TMEM163: variants seen among roughly 807,000 people sequenced by gnomAD.
TMEM163 encodes transmembrane protein 163.
A neutral mutation model predicts 29.3 loss-of-function variants in TMEM163; 17 were observed. The ratio of observed to expected loss-of-function variants is 0.58; its 90% CI spans 0.40 to 0.87. The LOEUF (loss-of-function observed/expected upper bound fraction) is 0.87, where lower values mean the gene tolerates loss of function less well. Among genes scored for constraint, TMEM163 ranks in the 40% least tolerant of loss-of-function variants. The probability of loss-of-function intolerance (pLI) is 0.00; values close to 1 mark genes in which losing one functional copy is unlikely to be tolerated. For synonymous variants in TMEM163, 157 were observed against 160.6 expected, an observed-to-expected ratio of 0.98 and a Z score of 0.17; for missense variants, 303 against 381.5, an observed-to-expected ratio of 0.79 and a Z score of 1.71.
At chr2:134,704,218 C>T (rs1238214456) in intron 2 of TMEM163, among the ~76,000 whole-genome samples, 5 of 152,062 alleles carry the variant, frequency 3.3e-5, no homozygotes, top group African/African-American at 1.2e-4. Context: ...GCTTGAGGGC[C>T]CCCAAGCTAA....
chr2:134,588,705 C>T (rs1486663991), intron 2 of TMEM163, among the ~76,000 whole-genome samples: 1 of 152,194 alleles, frequency 6.6e-6, no homozygotes, highest in African/African-American at 2.4e-5. Context: ...CTGACCCCTA[C>T]AAACTCATTC....
chr2:134,545,001 C>T (rs772319004), intron 4 of TMEM163, among the ~76,000 whole-genome samples: 20 of 152,076 alleles, frequency 1.3e-4, no homozygotes, highest in Admixed American at 5.2e-4. Flanking sequence ...GGAGGGGAGG[C>T]GACCCTGCTG....
intron 2 of TMEM163, among the ~76,000 whole-genome samples, chr2:134,635,580 A>G (rs1169530651): frequency 6.6e-6 from 1 of 152,174 alleles, no homozygotes; most frequent in Non-Finnish European, 1.5e-5. Context: ...AGAATAGAGG[A>G]GACACAAAGA....
intron 4 of TMEM163, among the ~76,000 whole-genome samples, chr2:134,545,157 TA>T (rs1680751920): frequency 6.6e-6 from 1 of 152,164 alleles, no homozygotes; most frequent in African/African-American, 2.4e-5. Flanking sequence ...CGACGTTAAG[TA>T]AACAGATAGT....
intron 2 of TMEM163, among the ~76,000 whole-genome samples, chr2:134,580,126 G>A (rs1275533364): frequency 2.0e-5 from 3 of 152,144 alleles, no homozygotes; most frequent in African/African-American, 4.8e-5. Context: ...GTCCAATTAC[G>A]TGGTAATAAA....
intron 2 of TMEM163, among the ~76,000 whole-genome samples, chr2:134,667,651 C>A (rs1385573993): frequency 1.3e-5 from 2 of 152,170 alleles, no homozygotes; most frequent in African/African-American, 2.4e-5. Context: ...ATTAATAATT[C>A]ATATATGTAA....
At chr2:134,701,703 A>G (rs2104892227) in intron 2 of TMEM163, among the ~76,000 whole-genome samples, 1 of 152,240 alleles carries the variant, frequency 6.6e-6, no homozygotes, top group Admixed American at 6.5e-5. Flanking sequence ...TGAGGTCAGG[A>G]GTTCAGGAGT....
intron 2 of TMEM163, among the ~76,000 whole-genome samples, chr2:134,680,332 G>C (rs1684202439): frequency 6.6e-6 from 1 of 150,744 alleles, no homozygotes; most frequent in South Asian, 2.1e-4. Flanking sequence ...TAAAATCAAA[G>C]AAAGGATTTA....
intron 1 of TMEM163, among the ~76,000 whole-genome samples, chr2:134,713,998 CCTA>C (rs1341399374): frequency 1.3e-5 from 2 of 152,164 alleles, no homozygotes; most frequent in Non-Finnish European, 2.9e-5. Context: ...GTGGGGCAAA[CCTA>C]CTAAAACTAG....
intron 2 of TMEM163, among the ~76,000 whole-genome samples, chr2:134,568,283 G>A (rs572780212): frequency 6.6e-6 from 1 of 152,284 alleles, no homozygotes; most frequent in South Asian, 2.1e-4. Flanking sequence ...CCAGCACTTA[G>A]GGAGGCAGAG....
chr2:134,632,540 G>A (rs1000639126), intron 2 of TMEM163, among the ~76,000 whole-genome samples: 14 of 152,156 alleles, frequency 9.2e-5, no homozygotes, highest in African/African-American at 3.1e-4. Flanking sequence ...TTCTGGAGGC[G>A]GGGGGCATCC....
chr2:134,696,546 T>C (rs1254962955), intron 2 of TMEM163, among the ~76,000 whole-genome samples: 1 of 152,226 alleles, frequency 6.6e-6, no homozygotes, highest in East Asian at 1.9e-4. Flanking sequence ...TTCTCTCTAT[T>C]CAGATCTTAT....
At chr2:134,687,641 C>G (rs1371718439) in intron 2 of TMEM163, among the ~76,000 whole-genome samples, 1 of 152,148 alleles carries the variant, frequency 6.6e-6, no homozygotes, top group Non-Finnish European at 1.5e-5. Flanking sequence ...ATTCAGGTAA[C>G]AGCTCAGTAA....
chr2:134,663,906 G>T (rs879483546), intron 2 of TMEM163, among the ~76,000 whole-genome samples: 11 of 152,202 alleles, frequency 7.2e-5, no homozygotes, highest in African/African-American at 1.2e-4. Flanking sequence ...TCTCCACAAT[G>T]CCTTGAGGCC....
chr2:134,698,554 T>C (rs892574715), intron 2 of TMEM163, among the ~76,000 whole-genome samples: 6 of 152,180 alleles, frequency 3.9e-5, no homozygotes, highest in African/African-American at 1.4e-4. Context: ...TTTTTCTCTT[T>C]CATTTATTTG....
intron 2 of TMEM163, among the ~76,000 whole-genome samples, chr2:134,664,635 C>T (rs559707516): frequency 6.6e-6 from 1 of 152,064 alleles, no homozygotes; most frequent in Non-Finnish European, 1.5e-5. Flanking sequence ...GATTAGATGA[C>T]AGAAGAGGAG....
At chr2:134,626,990 T>A (rs1682867091) in intron 2 of TMEM163, among the ~76,000 whole-genome samples, 1 of 152,224 alleles carries the variant, frequency 6.6e-6, no homozygotes. Flanking sequence ...CCAGCAGCGT[T>A]TAAGAGAGCC....
intron 2 of TMEM163, among the ~76,000 whole-genome samples, chr2:134,613,910 T>A (rs561106906): frequency 1.0e-3 from 152 of 152,326 alleles, no homozygotes; most frequent in African/African-American, 3.6e-3. Context: ...TTTCAAAATT[T>A]ATTTATAGGT....
intron 4 of TMEM163, among the ~76,000 whole-genome samples, 155 bp from the exon 5 acceptor site, chr2:134,503,152 C>T (rs1012924919): frequency 1.3e-5 from 2 of 152,160 alleles, no homozygotes; most frequent in Non-Finnish European, 2.9e-5. Flanking sequence ...TGGATTGACA[C>T]TAAGTCACCT....
Sources: gnomAD v4.1 joint callset for allele counts (sites outside exome capture counted in the v4.1 genomes callset) on GRCh38, gnomAD v4.1.1 for gene constraint, MANE v1.5 for transcripts, NCBI Gene and HGNC (gene_info 2026-07-23, HGNC 2026-07-21) for gene names.